TNRC18: variants seen among roughly 807,000 people sequenced by gnomAD.
TNRC18 encodes trinucleotide repeat containing 18, also known as trinucleotide repeat-containing gene 18 protein.
Under a neutral mutation model 226.7 loss-of-function variants are expected in TNRC18, and 69 were observed. The observed-to-expected ratio is 0.30, with a 90% CI of 0.25 to 0.37. TNRC18 has a LOEUF of 0.37. Ranked by LOEUF, TNRC18 falls within the 10% of genes least tolerant of loss-of-function variation. The probability of loss-of-function intolerance (pLI) is 1.00; values close to 1 mark genes in which losing one functional copy is unlikely to be tolerated. For synonymous variants in TNRC18, 2,449 were observed against 1,927.6 expected, an observed-to-expected ratio of 1.27 and a Z score of -7.09; for missense variants, 4,754 against 4,256.6, an observed-to-expected ratio of 1.12 and a Z score of -3.25.
rs551802616 is a variant in TNRC18, at chr7:5,352,748, C to T, written c.5195-654G>A. 4.6e-5 allele frequency among the ~76,000 whole-genome samples: 7 copies of T among 152,330 alleles called. No homozygotes were observed. The South Asian group carries it at 1.2e-3, about 27-fold the overall frequency. On this transcript the variant is annotated intron_variant, in intron 16 of 29. Coordinates refer to ENST00000430969, the MANE Select transcript of TNRC18 (RefSeq NM_001080495.3). ...GGAGGACAAGAGTCTTCAAATCTTC[C>T]GGGGAGACAACCAGCCAGCTTTGGG...
chr7:5,312,833 G>A lies in TNRC18; in HGVS notation c.8058C>T (p.Ala2686=). ...DSSCSSDDEA[A]PAPTAGPSAQ... Reference sequence around the variant, plus strand: ...CGGAAGGGCCAGCCGTGGGGGCGGGGGCTGCCTCATCGTCCGAGCTGCAGG... The same window carrying A: ...CGGAAGGGCCAGCCGTGGGGGCGGGAGCTGCCTCATCGTCCGAGCTGCAGG... Residue 2686 remains alanine, a synonymous_variant, in exon 27 of 30, where the codon GCC becomes GCT. Transcript: ENST00000430969. This position sits in a 1 kb window ranked among gnomAD's most constrained non-coding sequence, Gnocchi z 6.3. 6.5e-7 allele frequency: 1 copy of A among 1,532,112 alleles called. No homozygotes were observed. The allele number at this position is 1,532,112 out of a possible 1,614,324, so 94.9% of individuals were successfully genotyped here. A position where few individuals can be genotyped will look rare whatever the true frequency, so the allele number is the denominator to read the frequency against.
chr7:5,349,393 C>A (rs1791548821), intron 17 of TNRC18, among the ~76,000 whole-genome samples: 2 of 152,220 alleles, frequency 1.3e-5, no homozygotes, highest in Non-Finnish European at 1.5e-5. Flanking sequence ...ATCAAAGTAA[C>A]CCAAGGAAAT....
At chr7:5,350,251 G>A (rs953448712) in intron 17 of TNRC18, among the ~76,000 whole-genome samples, 4 of 151,990 alleles carry the variant, frequency 2.6e-5, no homozygotes, top group African/African-American at 7.2e-5. Flanking sequence ...CTCTCTTCTC[G>A]GTCCGGGGTG....
At chr7:5,351,443 A>C (rs1311591096) in intron 17 of TNRC18, among the ~76,000 whole-genome samples, 1 of 146,514 alleles carries the variant, frequency 6.8e-6, no homozygotes, top group Non-Finnish European at 1.5e-5. Context: ...AGCCCGAACC[A>C]AGCCTGGGGT....
rs1044446990 is a variant in TNRC18 at position 5,402,329 on chromosome 7, T to G, written c.188-7734A>C. Among the ~76,000 whole-genome samples, 5 of 148,126 alleles carry G rather than the reference T, an allele frequency of 3.4e-5. 1 individual carries two copies. Among genetic ancestry groups the G allele is most frequent in the Admixed American group, 3.4e-4 (5 of 14,888 alleles). Reference sequence around the variant, plus strand: ...CAGGCAGATCACTTGAGGTCAGGAGTTTGAGACCAGCCTGGGCAACACGGT... The same window carrying G: ...CAGGCAGATCACTTGAGGTCAGGAGGTTGAGACCAGCCTGGGCAACACGGT... On this transcript the variant is annotated intron_variant, in intron 2 of 29. Transcript: ENST00000430969.
At chr7:5,348,481 C>T (rs1355377031) in intron 17 of TNRC18, among the ~76,000 whole-genome samples, 3 of 152,304 alleles carry the variant, frequency 2.0e-5, no homozygotes, top group Middle Eastern at 3.4e-3. Flanking sequence ...CGCCCCAAGC[C>T]GCCTGCTTGC....
chr7:5,320,890 A>G (rs547280577), intron 22 of TNRC18, among the ~76,000 whole-genome samples, 183 bp downstream of exon 22: 33 of 152,284 alleles, frequency 2.2e-4, no homozygotes, highest in Non-Finnish European at 4.4e-4. Context: ...GGGAGGGTTC[A>G]CCCAGTACTC....
intron 5 of TNRC18, among the ~76,000 whole-genome samples, chr7:5,384,907 A>T (rs1461160548): frequency 6.6e-6 from 1 of 152,266 alleles, no homozygotes; most frequent in African/African-American, 2.4e-5. Flanking sequence ...CTCACTGAGC[A>T]TCGCTCACCA....
chr7:5,307,728 C>T lies in TNRC18; in HGVS notation c.*378G>A. On this transcript the variant is annotated 3_prime_UTR_variant, in exon 30 of 30. Coordinates refer to ENST00000430969, the MANE Select transcript of TNRC18 (RefSeq NM_001080495.3). ...TTGGTTCCTTAGAAGCGCCCCTCCC[C>T]ACCGAATCCCCAGTCTGCATGGACC... 2 of 343,542 alleles carry T rather than the reference C, an allele frequency of 5.8e-6. No homozygotes were observed. The highest frequency in any genetic ancestry group is 1.1e-5 in the Non-Finnish European group (2 of 175,444). 21.3% of individuals were successfully genotyped at this position (343,542 alleles called of 1,614,324 possible).
At chr7:5,403,228 T>C (rs1353689601) in intron 2 of TNRC18, among the ~76,000 whole-genome samples, 2 of 151,628 alleles carry the variant, frequency 1.3e-5, no homozygotes, top group Non-Finnish European at 2.9e-5. Context: ...TGGCGTGATC[T>C]CAGCTCACCG....
chr7:5,356,889 A>C (rs1583894221), intron 16 of TNRC18, 27 bp downstream of exon 16: 1 of 1,502,536 alleles, frequency 6.7e-7, no homozygotes, highest in East Asian at 2.5e-5. Flanking sequence ...GCAGCGGACC[A>C]GAGGTGGCGC....
rs908905834 is a variant in TNRC18 at position 5,307,417 on chromosome 7, G to A, written c.*689C>T. 1.4e-4 allele frequency: 44 copies of A among 325,376 alleles called. No homozygotes were observed. Among genetic ancestry groups the A allele is most frequent in the African/African-American group, 4.8e-4 (22 of 45,528 alleles). 20.2% of individuals were successfully genotyped at this position (325,376 alleles called of 1,614,324 possible). A position where few individuals can be genotyped will look rare whatever the true frequency, so the allele number is the denominator to read the frequency against. ...GGGTGGGGAGGGGCCAGGCGTGGCC[G>A]GGCGACAGTTTCAGCACCATTGGGG... On this transcript the variant is annotated 3_prime_UTR_variant, in exon 30 of 30. Coordinates refer to ENST00000430969, the MANE Select transcript of TNRC18 (RefSeq NM_001080495.3).
chr7:5,404,422 T>TA, intron 2 of TNRC18, among the ~76,000 whole-genome samples: 1 of 152,302 alleles, frequency 6.6e-6, no homozygotes, highest in East Asian at 1.9e-4. Flanking sequence ...TGTAAATGGC[T>TA]AAACTCCATC....
intron 2 of TNRC18, among the ~76,000 whole-genome samples, chr7:5,408,561 C>T (rs1397313007): frequency 1.3e-5 from 2 of 151,750 alleles, no homozygotes; most frequent in Non-Finnish European, 2.9e-5. Flanking sequence ...TCGCTTGAAC[C>T]TAGGAGGTGG....
At chr7:5,415,513 G>A (rs1782126582) in intron 2 of TNRC18, among the ~76,000 whole-genome samples, 1 of 151,164 alleles carries the variant, frequency 6.6e-6, no homozygotes, top group South Asian at 2.1e-4. Flanking sequence ...GAGTAGCTGG[G>A]ATTACAGGCA....
chr7:5,393,415 A>C (rs909359896), intron 3 of TNRC18, among the ~76,000 whole-genome samples: 1 of 152,262 alleles, frequency 6.6e-6, no homozygotes, highest in African/African-American at 2.4e-5. Context: ...CTGTGACTAG[A>C]GACGCCTCTG....
intron 26 of TNRC18, 143 bp downstream of exon 26, chr7:5,314,841 G>C (rs1257553068): frequency 1.1e-6 from 1 of 901,006 alleles, no homozygotes; most frequent in African/African-American, 1.7e-5. Flanking sequence ...CCAAAGCGCT[G>C]GGATTACAGG....
Position 5,307,247 on chromosome 7 carries a change from A to G in TNRC18, c.*859T>C, listed in dbSNP as rs1813805772. Reference sequence around the variant, plus strand: ...TTCATAGCTATTTTTCACAGTTTTAAAAAGTTTATATATATATTTATATAT... The same window carrying G: ...TTCATAGCTATTTTTCACAGTTTTAGAAAGTTTATATATATATTTATATAT... On this transcript the variant is annotated 3_prime_UTR_variant, in exon 30 of 30. Coordinates refer to ENST00000430969, the MANE Select transcript of TNRC18 (RefSeq NM_001080495.3). The G allele has an allele frequency of 6.7e-6, 1 of 149,384 alleles. No homozygotes were observed. The allele number at this position is 149,384 out of a possible 1,614,324, so 9.3% of individuals were successfully genotyped here.
chr7:5,419,219 G>A (rs1027356249), intron 2 of TNRC18, among the ~76,000 whole-genome samples: 1 of 152,260 alleles, frequency 6.6e-6, no homozygotes, highest in African/African-American at 2.4e-5. Context: ...GATTAGGCGC[G>A]GCCCTGGCAC....
Sources: gnomAD v4.1 joint callset for allele counts (sites outside exome capture counted in the v4.1 genomes callset) on GRCh38, gnomAD v4.1.1 for gene constraint, Gnocchi (gnomAD v3.1) non-coding constraint, MANE v1.5 for transcripts, NCBI Gene and HGNC (gene_info 2026-07-23, HGNC 2026-07-21) for gene names.